HMCN2: variants seen among roughly 807,000 people sequenced by gnomAD.
HMCN2 encodes the protein hemicentin-2.
A neutral mutation model predicts 377.5 loss-of-function variants in HMCN2; 325 were observed. The ratio of observed to expected loss-of-function variants is 0.86; its 90% CI spans 0.79 to 0.94. HMCN2 has a LOEUF of 0.94. Among genes scored for constraint, HMCN2 ranks in the 40% least tolerant of loss-of-function variants. The probability of loss-of-function intolerance (pLI) is 0.00; values close to 1 mark genes in which losing one functional copy is unlikely to be tolerated. For synonymous variants in HMCN2, 2,007 were observed against 2,046.8 expected (o/e 0.98, Z 0.53); for missense variants, 4,543 against 4,725.3 (o/e 0.96, Z 1.13).
In HMCN2 at chr9:130,428,801, C is replaced by G. The variant is rs1413101393; in HGVS notation, c.14197+312C>G. 6.6e-6 allele frequency among the ~76,000 whole-genome samples: 1 copy of G among 152,198 alleles called. No homozygotes were observed. On this transcript the variant is annotated intron_variant, in intron 93 of 97. Transcript: ENST00000683500. The surrounding 1 kb of genome is among the most constrained non-coding windows in gnomAD (Gnocchi z 5.0). ...AAACACATGCTCCCTCTGCTGCCAT[C>G]CGTTCTGTTCCCCCATATGAATCAA...
intron 77 of HMCN2, among the ~76,000 whole-genome samples, chr9:130,401,321 T>C (rs1396863545): frequency 2.0e-5 from 3 of 152,194 alleles, no homozygotes; most frequent in African/African-American, 7.2e-5. Context: ...ATTAAGATAA[T>C]AGTACATGGT....
At chr9:130,309,366 T>G (rs1334862042) in intron 14 of HMCN2, among the ~76,000 whole-genome samples, 1 of 151,442 alleles carries the variant, frequency 6.6e-6, no homozygotes, top group Non-Finnish European at 1.5e-5. Flanking sequence ...ATATAAAAAA[T>G]TAGCTGAGTG....
In HMCN2 at chr9:130,360,751, A is replaced by C. The variant is rs1386050519; in HGVS notation, c.5950+147A>C. On this transcript the variant is annotated intron_variant, in intron 38 of 97. Transcript: ENST00000683500. This position sits in a 1 kb window ranked among gnomAD's most constrained non-coding sequence, Gnocchi z 4.7. ...ACCCCATCCATCCATCATCCATCCA[A>C]CCATCCATCCATCCATCCATCCATC... 2 of 282,144 alleles carry C rather than the reference A, an allele frequency of 7.1e-6. No individual in the cohort carries two copies. Among genetic ancestry groups the C allele is most frequent in the African/African-American group, 4.8e-5 (2 of 42,000 alleles). 17.5% of individuals were successfully genotyped at this position (282,144 alleles called of 1,614,324 possible). A position where few individuals can be genotyped will look rare whatever the true frequency, so the allele number is the denominator to read the frequency against.
intron 28 of HMCN2, 23 bp from the exon 29 acceptor site, chr9:130,349,514 C>T (rs1839580868): frequency 7.7e-7 from 1 of 1,300,870 alleles, no homozygotes; most frequent in African/African-American, 1.5e-5. Context: ...AGTTTCCCAC[C>T]CCTCACGCCT....
chr9:130,285,265 C>T lies in HMCN2; in HGVS notation c.438C>T (p.Asp146=), dbSNP rs889980017. The change falls in exon 3 of 98, where the codon GAC becomes GAT. Residue 146 remains aspartate, a synonymous_variant. Coordinates refer to ENST00000683500, the MANE Select transcript of HMCN2 (RefSeq NM_001291815.2). ...IYVFSDARAK[D]YHKKEELLRL... ...TCTTTTCGGATGCCCGCGCCAAAGA[C>T]TATCACAAGAAGGAAGAGCTGCTGC... 7 of 471,066 alleles carry T rather than the reference C, an allele frequency of 1.5e-5. No homozygotes were observed. The highest frequency in any genetic ancestry group is 1.4e-4 in the African/African-American group (7 of 50,082). The allele number at this position is 471,066 out of a possible 1,614,324, so 29.2% of individuals were successfully genotyped here. A position where few individuals can be genotyped will look rare whatever the true frequency, so the allele number is the denominator to read the frequency against.
intron 1 of HMCN2, among the ~76,000 whole-genome samples, chr9:130,277,898 CCATCATCAT>C (rs1253025532): frequency 1.4e-4 from 4 of 29,378 alleles, no homozygotes; most frequent in Non-Finnish European, 2.3e-4. Context: ...ATCACCACCA[CCATCATCAT>C]CACCACCACC....
intron 85 of HMCN2, among the ~76,000 whole-genome samples, chr9:130,418,149 A>G (rs1169188716): frequency 6.6e-6 from 1 of 152,224 alleles, no homozygotes; most frequent in Non-Finnish European, 1.5e-5. Context: ...TAACTGTCCT[A>G]TAGGAGAGGC....
At chr9:130,355,466 C>T (rs868799676) in intron 32 of HMCN2, among the ~76,000 whole-genome samples, 2 of 152,350 alleles carry the variant, frequency 1.3e-5, no homozygotes, top group Middle Eastern at 3.4e-3. Context: ...CCAAGCGGCA[C>T]TGGAAATGAA....
intron 52 of HMCN2, 42 bp downstream of exon 52, chr9:130,376,700 T>G (rs1841400397): frequency 1.0e-6 from 1 of 984,286 alleles, no homozygotes; most frequent in African/African-American, 1.7e-5. Context: ...CTCTCACCTC[T>G]GCTTCCGGCT....
At chr9:130,338,714 C>T (rs1457420578) in intron 23 of HMCN2, 8 of 152,324 alleles carry the variant, frequency 5.3e-5, no homozygotes, top group Non-Finnish European at 1.0e-4. Context: ...GCTCGTCATC[C>T]GAAAGAACCC....
At chr9:130,274,385 T>A (rs1834564809) in intron 1 of HMCN2, among the ~76,000 whole-genome samples, 1 of 152,202 alleles carries the variant, frequency 6.6e-6, no homozygotes, top group South Asian at 2.1e-4. Flanking sequence ...ATTTTTGCAT[T>A]TCTTGCATAA....
rs1033027821 is a variant in HMCN2, at chr9:130,395,223, T to G, written c.10787T>G (p.Ile3596Ser). ...FRVRVQAPPN[I>S]VGPRGPRFVV... ...ACCCCCTTCCCAGCCCCTCCAAACA[T>G]TGTTGGGCCCCGAGGCCCCCGCTTT... is the stretch of plus-strand genomic sequence containing the variant. Residue 3596 changes from isoleucine (I) to serine (S), a missense_variant, in exon 71 of 98, where the codon ATT (isoleucine) becomes AGT (serine). Ile to Ser is a moderately radical substitution (Grantham distance 142). This residue lies in a region of HMCN2 where 1,073 missense variants were observed against 1,319.5 expected (regional missense o/e 0.81). Transcript: ENST00000683500. The G allele has an allele frequency of 7.8e-7, 1 of 1,288,484 alleles. No homozygotes were observed. The highest frequency in any genetic ancestry group is 1.5e-5 in the African/African-American group (1 of 65,800). The allele number at this position is 1,288,484 out of a possible 1,614,324, so 79.8% of individuals were successfully genotyped here. A position where few individuals can be genotyped will look rare whatever the true frequency, so the allele number is the denominator to read the frequency against.
intron 41 of HMCN2, among the ~76,000 whole-genome samples, chr9:130,365,401 AGGCTGGCAGGACTGCCATCGAGGG>A (rs538612945): frequency 2.6e-5 from 4 of 152,296 alleles, no homozygotes; most frequent in Admixed American, 2.0e-4. Context: ...GAAGTTTGGG[AGGCTGGCAGGACTGCCATCGAGGG>A]GGCCCTTCTC....
At chr9:130,410,460 T>C (rs1843349845) in intron 84 of HMCN2, 111 bp from the exon 85 acceptor site, 1 of 927,966 alleles carries the variant, frequency 1.1e-6, no homozygotes, top group South Asian at 1.5e-5. Context: ...CCTGGCTGGT[T>C]CACAGCCTAA....
chr9:130,350,009 A>T (rs955145025), intron 29 of HMCN2, among the ~76,000 whole-genome samples: 1 of 140,284 alleles, frequency 7.1e-6, no homozygotes, highest in Admixed American at 7.8e-5. Flanking sequence ...TGGGCTCAAG[A>T]GATCATCCCA....
At chr9:130,290,862 G>GAAAAA (rs34729181) in intron 4 of HMCN2, among the ~76,000 whole-genome samples, 3 of 121,182 alleles carry the variant, frequency 2.5e-5, no homozygotes, top group East Asian at 2.5e-4. Flanking sequence ...AGCTCAGTCT[G>GAAAAA]AAAAAAAAAA....
chr9:130,408,861 T>C lies in HMCN2; in HGVS notation c.12807T>C (p.Asp4269=), dbSNP rs561268173. ...TGCCGGACATCCACTGGATCAAAGA[T>C]GGCCTTCCACTGCGGGGCAGCCACC... ...DPVPDIHWIK[D]GLPLRGSHLR... The change falls in exon 84 of 98, where the codon GAT becomes GAC. Residue 4269 remains aspartate (D), a synonymous_variant. Coordinates refer to ENST00000683500, the MANE Select transcript of HMCN2 (RefSeq NM_001291815.2). 9.0e-4 allele frequency: 1,167 copies of C among 1,289,686 alleles called. 1 individual carries two copies. Among genetic ancestry groups the C allele is most frequent in the Non-Finnish European group, 1.1e-3 (1,105 of 988,870 alleles). The allele number at this position is 1,289,686 out of a possible 1,614,324, so 79.9% of individuals were successfully genotyped here.
At chr9:130,384,663 A>G in intron 58 of HMCN2, 22 bp from the exon 59 acceptor site, 2 of 1,301,702 alleles carry the variant, frequency 1.5e-6, no homozygotes, top group Non-Finnish European at 2.0e-6. Context: ...TGCTGGTGTG[A>G]GGGGCTGGCT....
chr9:130,385,660 T>C lies in HMCN2; in HGVS notation c.9207T>C (p.Pro3069=), dbSNP rs777973852. 12 of 1,304,170 alleles carry C rather than the reference T, an allele frequency of 9.2e-6. No homozygotes were observed. In the South Asian group the frequency reaches 1.2e-4, roughly 13 times the overall value. 80.8% of individuals were successfully genotyped at this position (1,304,170 alleles called of 1,614,324 possible). A position where few individuals can be genotyped will look rare whatever the true frequency, so the allele number is the denominator to read the frequency against. ...TGAGCTGCGAGACAGATGCGCTCCC[T>C]GAGCCAACTGTGACCTGGTACAAGG... is the stretch of plus-strand genomic sequence containing the variant. ...AVLSCETDAL[P]EPTVTWYKDG... is the part of the protein sequence containing the mutation. Residue 3069 remains proline, a synonymous_variant, in exon 60 of 98, where the codon CCT becomes CCC. Coordinates refer to ENST00000683500, the MANE Select transcript of HMCN2 (RefSeq NM_001291815.2).
Sources: gnomAD v4.1 joint callset for allele counts (sites outside exome capture counted in the v4.1 genomes callset) on GRCh38, gnomAD v4.1.1 for gene constraint, gnomAD v4.1.1 regional missense constraint, Gnocchi (gnomAD v3.1) non-coding constraint, MANE v1.5 for transcripts, NCBI Gene and HGNC (gene_info 2026-07-23, HGNC 2026-07-21) for gene names.